STK25: variants seen among roughly 807,000 people sequenced by gnomAD.
STK25 encodes serine/threonine-protein kinase 25.
A neutral mutation model predicts 53.8 loss-of-function variants in STK25; 29 were observed. The observed-to-expected ratio is 0.54, with a 90% CI of 0.40 to 0.74. STK25 has a LOEUF of 0.74. Among genes scored for constraint, STK25 ranks in the 30% least tolerant of loss-of-function variants. STK25 has a pLI of 0.00. For synonymous variants in STK25, 247 were observed against 238.3 expected (o/e 1.04, Z -0.33); for missense variants, 420 against 568.0 (o/e 0.74, Z 2.65).
At chr2:241,503,125 G>A (rs1286609943) in intron 2 of STK25, among the ~76,000 whole-genome samples, 2 of 152,094 alleles carry the variant, frequency 1.3e-5, no homozygotes, top group Non-Finnish European at 2.9e-5. Flanking sequence ...GTGTAGTGGT[G>A]CAATCTTGGC....
intron 1 of STK25, 99 bp from the exon 2 acceptor site, chr2:241,508,234 C>T (rs2065975473): frequency 7.6e-7 from 1 of 1,313,666 alleles, no homozygotes; most frequent in Non-Finnish European, 9.7e-7. Flanking sequence ...CCAGGAGACC[C>T]CCCAGGCCGC....
rs566753179 is a variant in STK25, at chr2:241,500,243, C to T, written c.357G>A (p.Thr119=). 24 of 1,614,042 alleles carry T rather than the reference C, an allele frequency of 1.5e-5. No individual in the cohort carries two copies. The highest frequency in any genetic ancestry group is 9.3e-5 in the African/African-American group (7 of 75,010). ...GGCCCTTCAGAATCTCCCGCAGGAT[C>T]GTGGCAATGTATGTCTCCTCCAGGG... ...PGPLEETYIA[T]ILREILKGLD... is the part of the protein sequence containing the mutation. The change falls in exon 5 of 12, where the codon ACG becomes ACA. Residue 119 remains threonine (T), a synonymous_variant. Coordinates refer to ENST00000316586, the MANE Select transcript of STK25 (RefSeq NM_001271977.2).
rs1228199384 is a variant in STK25 at position 241,495,345 on chromosome 2, G to GC, written c.*316dup. 2.8e-6 allele frequency: 1 copy of GC among 361,048 alleles called. No homozygotes were observed. The highest frequency in any genetic ancestry group is 5.2e-6 in the Non-Finnish European group (1 of 192,414). The allele number at this position is 361,048 out of a possible 1,614,324, so 22.4% of individuals were successfully genotyped here. A position where few individuals can be genotyped will look rare whatever the true frequency, so the allele number is the denominator to read the frequency against. ...CCTTGGTCTGAGCGGCCATAGGGCT[G>GC]CATGAGTCTGCAGAAGACCCAGGCG... On this transcript the variant is annotated 3_prime_UTR_variant, in exon 12 of 12. Coordinates refer to ENST00000316586, the MANE Select transcript of STK25 (RefSeq NM_001271977.2).
rs2065059616 is a variant in STK25 at position 241,494,744 on chromosome 2, A to G, written c.*918T>C. The G allele has an allele frequency of 6.6e-6, 1 of 152,216 alleles. No individual in the cohort carries two copies. The highest frequency in any genetic ancestry group is 2.4e-5 in the African/African-American group (1 of 41,444). The allele number at this position is 152,216 out of a possible 1,614,324, so 9.4% of individuals were successfully genotyped here. A position where few individuals can be genotyped will look rare whatever the true frequency, so the allele number is the denominator to read the frequency against. On this transcript the variant is annotated 3_prime_UTR_variant, in exon 12 of 12. Coordinates refer to ENST00000316586, the MANE Select transcript of STK25 (RefSeq NM_001271977.2). The surrounding 1 kb of genome is among the most constrained non-coding windows in gnomAD (Gnocchi z 4.9). ...GTGCCCTGGGAGGGTGGGGCCGTCT[A>G]ATTTATTACTGCCCAGCATTCCTTC...
In STK25 at chr2:241,493,753, C is replaced by T. The variant is rs544505361; in HGVS notation, c.*1909G>A. The T allele has an allele frequency of 1.2e-4, 58 of 466,912 alleles. No individual in the cohort carries two copies. Among genetic ancestry groups the T allele is most frequent in the African/African-American group, 1.0e-3 (51 of 50,924 alleles). The allele number at this position is 466,912 out of a possible 1,614,324, so 28.9% of individuals were successfully genotyped here. On this transcript the variant is annotated 3_prime_UTR_variant, in exon 12 of 12. Transcript: ENST00000316586. ...GAGATTACAGGCATGCACGCCACGC[C>T]GCCTGGCTAATTTTTGTATTTTTAG...
In STK25 at chr2:241,495,331, G is replaced by A. The variant is rs574164448; in HGVS notation, c.*331C>T. 3.4e-6 allele frequency: 1 copy of A among 296,500 alleles called. No homozygotes were observed. Among genetic ancestry groups the A allele is most frequent in the South Asian group, 5.3e-5 (1 of 18,876 alleles). 18.4% of individuals were successfully genotyped at this position (296,500 alleles called of 1,614,324 possible). A position where few individuals can be genotyped will look rare whatever the true frequency, so the allele number is the denominator to read the frequency against. On this transcript the variant is annotated 3_prime_UTR_variant, in exon 12 of 12. Coordinates refer to ENST00000316586, the MANE Select transcript of STK25 (RefSeq NM_001271977.2). ...ATAGTTGCTCTGCGCCTTGGTCTGA[G>A]CGGCCATAGGGCTGCATGAGTCTGC...
In STK25 at chr2:241,496,292, G is replaced by A. The variant is rs1461296819; in HGVS notation, c.1241+106C>T. On this transcript the variant is annotated intron_variant, in intron 11 of 11. Transcript: ENST00000316586. The surrounding 1 kb of genome is among the most constrained non-coding windows in gnomAD (Gnocchi z 5.8). ...CCTTCCCAGAGTGAAGCGAGCCCAT[G>A]TAGTGCCAAATGCAGCCACACCCAC... 3.6e-6 allele frequency: 5 copies of A among 1,385,010 alleles called. No homozygotes were observed. Among genetic ancestry groups the A allele is most frequent in the Non-Finnish European group, 5.0e-6 (5 of 1,006,238 alleles). The allele number at this position is 1,385,010 out of a possible 1,614,324, so 85.8% of individuals were successfully genotyped here.
Position 241,497,893 on chromosome 2 carries a change from C to T in STK25, c.1033-206G>A, listed in dbSNP as rs569115478. Among the ~76,000 whole-genome samples, 37 of 150,152 alleles carry T rather than the reference C, an allele frequency of 2.5e-4. 1 individual carries two copies. Among genetic ancestry groups the T allele is most frequent in the Admixed American group, 8.5e-4 (12 of 14,054 alleles). On this transcript the variant is annotated intron_variant, in intron 9 of 11. Transcript: ENST00000316586. ...TCCCACCCTCTCCTGACTCTGAGGG[C>T]CTGTGACTCCCACCCTCTCCTGACT...
intron 2 of STK25, chr2:241,502,118 C>T (rs1279921140): frequency 2.8e-5 from 5 of 180,706 alleles, no homozygotes; most frequent in Admixed American, 5.5e-5. Context: ...GAGCCAAGAC[C>T]GCACCATTGC....
Position 241,498,698 on chromosome 2 carries a change from G to T in STK25, c.858C>A (p.Arg286=). 6.2e-7 allele frequency: 1 copy of T among 1,614,136 alleles called. No individual in the cohort carries two copies. The highest frequency in any genetic ancestry group is 1.3e-5 in the African/African-American group (1 of 75,064). The change falls in exon 8 of 12, where the codon CGC becomes CGA. Residue 286 remains arginine, a synonymous_variant. Transcript: ENST00000316586. ...GCCCCTCTGACTTCCAGCGCTTATA[G>T]CGGTCGATGAGCTCCGTGAGGAAGG... ...KTSFLTELID[R]YKRWKSEGHG...
At chr2:241,504,838 A>G (rs1053105892) in intron 2 of STK25, among the ~76,000 whole-genome samples, 3 of 151,720 alleles carry the variant, frequency 2.0e-5, no homozygotes, top group Admixed American at 1.3e-4. Context: ...TGTTTGCTCC[A>G]TTTCTGGTGG....
intron 2 of STK25, among the ~76,000 whole-genome samples, chr2:241,502,382 G>A (rs1463218182): frequency 6.6e-6 from 1 of 152,116 alleles, no homozygotes; most frequent in Non-Finnish European, 1.5e-5. Flanking sequence ...AATGGCCCCT[G>A]GGGGTGAGGG....
chr2:241,501,701 C>G lies in STK25; in HGVS notation c.38G>C (p.Arg13Pro). The change falls in exon 3 of 12, where the codon CGA (arginine) becomes CCA (proline). Residue 13 changes from arginine to proline, a missense_variant. By Grantham distance (103) the Arg-to-Pro change is moderately radical. Transcript: ENST00000316586. The surrounding 1 kb of genome is among the most constrained non-coding windows in gnomAD (Gnocchi z 5.3). Reference protein sequence around the residue: ...HLRGFANQHSRVDPEELFTKL... With the variant: ...HLRGFANQHSPVDPEELFTKL... Reference sequence around the variant, plus strand: ...GGTGAAGAGCTCCTCAGGGTCCACTCGAGAGTGCTGTGGGGCCAGGGCGGG... The same window carrying G: ...GGTGAAGAGCTCCTCAGGGTCCACTGGAGAGTGCTGTGGGGCCAGGGCGGG... 1.2e-6 allele frequency: 2 copies of G among 1,612,276 alleles called. No individual in the cohort carries two copies. Among genetic ancestry groups the G allele is most frequent in the Non-Finnish European group, 1.7e-6 (2 of 1,178,918 alleles).
upstream of STK25, chr2:241,509,350 AGGG>A (rs2066033665): frequency 6.6e-6 from 1 of 152,298 alleles, no homozygotes; most frequent in African/African-American, 2.4e-5. Flanking sequence ...AGGGTCCGGG[AGGG>A]ACTTGCAGAT....
At chr2:241,505,168 G>A (rs1280028185) in intron 2 of STK25, among the ~76,000 whole-genome samples, 4 of 150,620 alleles carry the variant, frequency 2.7e-5, no homozygotes, top group Non-Finnish European at 5.9e-5. Context: ...CAGGTGATCT[G>A]CAGAAGCAGC....
chr2:241,507,937 G>A, intron 2 of STK25, 69 bp downstream of exon 2: 2 of 1,466,322 alleles, frequency 1.4e-6, no homozygotes, highest in South Asian at 2.4e-5. Flanking sequence ...GCTCCCCTCT[G>A]AACCCCCAGG....
Position 241,497,366 on chromosome 2 carries a change from T to C in STK25, c.1104+250A>G, listed in dbSNP as rs1574938207. 7 of 509,788 alleles carry C rather than the reference T, an allele frequency of 1.4e-5. No homozygotes were observed. The East Asian group carries it at 1.9e-4, about 14-fold the overall frequency. The allele number at this position is 509,788 out of a possible 1,614,324, so 31.6% of individuals were successfully genotyped here. A position where few individuals can be genotyped will look rare whatever the true frequency, so the allele number is the denominator to read the frequency against. On this transcript the variant is annotated intron_variant, in intron 10 of 11. Coordinates refer to ENST00000316586, the MANE Select transcript of STK25 (RefSeq NM_001271977.2). The stretch of plus-strand genomic sequence containing the variant: ...CTCTGCTTTCTCTATAGAAGGATCA[T>C]CTGTGTTTGCACCTGAAGAAAAAAA...
At position 241,493,751 on chromosome 2, in the gene STK25, G is replaced by A. The variant is rs749970047; in HGVS notation, c.*1911C>T. 26 of 466,580 alleles carry A rather than the reference G, an allele frequency of 5.6e-5. No homozygotes were observed. Among genetic ancestry groups the A allele is most frequent in the South Asian group, 3.3e-4 (9 of 27,660 alleles). The allele number at this position is 466,580 out of a possible 1,614,324, so 28.9% of individuals were successfully genotyped here. A position where few individuals can be genotyped will look rare whatever the true frequency, so the allele number is the denominator to read the frequency against. On this transcript the variant is annotated 3_prime_UTR_variant, in exon 12 of 12. Transcript: ENST00000316586. ...CTGAGATTACAGGCATGCACGCCAC[G>A]CCGCCTGGCTAATTTTTGTATTTTT... is the stretch of plus-strand genomic sequence containing the variant.
chr2:241,497,369 G>A (rs1559828474), intron 10 of STK25: 6 of 520,136 alleles, frequency 1.2e-5, no homozygotes, highest in Non-Finnish European at 1.4e-5. Flanking sequence ...AGGATCATCT[G>A]TGTTTGCACC....
Sources: gnomAD v4.1 joint callset for allele counts (sites outside exome capture counted in the v4.1 genomes callset) on GRCh38, gnomAD v4.1.1 for gene constraint, Gnocchi (gnomAD v3.1) non-coding constraint, MANE v1.5 for transcripts, NCBI Gene and HGNC (gene_info 2026-07-23, HGNC 2026-07-21) for gene names.